CARD14: variants seen among roughly 807,000 people sequenced by gnomAD.
The protein encoded by CARD14 is caspase recruitment domain-containing protein 14.
In CARD14, 107 loss-of-function variants were observed where a neutral mutation model predicts 111.5. That is an observed-to-expected ratio of 0.96 (90% CI 0.82 to 1.13). The LOEUF (loss-of-function observed/expected upper bound fraction) is 1.13. Ranked by LOEUF, CARD14 falls within the 50% of genes most tolerant of loss-of-function variation. CARD14 has a pLI of 0.00. For synonymous variants in CARD14, 617 were observed against 579.6 expected (o/e 1.06, Z -0.93); for missense variants, 1,322 against 1,362.3 (o/e 0.97, Z 0.47).
At chr17:80,191,624 G>C in intron 11 of CARD14, 152 bp downstream of exon 11, 1 of 940,324 alleles carries the variant, frequency 1.1e-6, no homozygotes, top group East Asian at 2.6e-5. Context: ...AGACGGCCCA[G>C]TGTCACTGTG....
Position 80,195,051 on chromosome 17 carries a change from C to T in CARD14, c.1357-140C>T. 1 of 1,072,646 alleles carries T rather than the reference C, an allele frequency of 9.3e-7. No homozygotes were observed. Among genetic ancestry groups the T allele is most frequent in the Admixed American group, 2.6e-5 (1 of 38,256 alleles). 66.4% of individuals were successfully genotyped at this position (1,072,646 alleles called of 1,614,324 possible). ...CAGCAGGTGCTCAGCGCATGTGACC[C>T]CATGTGTGTCCTTCTTTCCCCTCCT... is the stretch of plus-strand genomic sequence containing the variant. On this transcript the variant is annotated intron_variant, in intron 12 of 23. Transcript: ENST00000648509. This position sits in a 1 kb window ranked among gnomAD's most constrained non-coding sequence, Gnocchi z 4.7.
At chr17:80,186,907 T>C (rs1044156362) in intron 7 of CARD14, among the ~76,000 whole-genome samples, 1 of 152,206 alleles carries the variant, frequency 6.6e-6, no homozygotes, top group Non-Finnish European at 1.5e-5. Context: ...ACTACTAGGG[T>C]GTCTTTGCTT....
chr17:80,177,156 A>G (rs1483188714), intron 2 of CARD14, among the ~76,000 whole-genome samples: 2 of 152,034 alleles, frequency 1.3e-5, no homozygotes, highest in Non-Finnish European at 2.9e-5. Context: ...GTGTCACTCC[A>G]GTCTCGGCCT....
At chr17:80,175,718 C>T (rs371633800) in intron 2 of CARD14, among the ~76,000 whole-genome samples, 7 of 152,122 alleles carry the variant, frequency 4.6e-5, no homozygotes, top group Non-Finnish European at 1.0e-4. Flanking sequence ...GTGGTGGGGA[C>T]GCTGAACAGG....
rs1051802042 is a variant in CARD14 at position 80,189,715 on chromosome 17, G to A, written c.844-38G>A. 6.6e-7 allele frequency: 1 copy of A among 1,513,984 alleles called. No individual in the cohort carries two copies. 93.8% of individuals were successfully genotyped at this position (1,513,984 alleles called of 1,614,324 possible). A position where few individuals can be genotyped will look rare whatever the true frequency, so the allele number is the denominator to read the frequency against. ...CTGCTTGCCTAGGGCAGGCCTCTGGGGAAGCCAGCACCCCAGGCTGACCTC... is the reference window on the plus strand; with the variant it reads ...CTGCTTGCCTAGGGCAGGCCTCTGGAGAAGCCAGCACCCCAGGCTGACCTC... On this transcript the variant is annotated intron_variant, in intron 8 of 23. Transcript: ENST00000648509. This position sits in a 1 kb window ranked among gnomAD's most constrained non-coding sequence, Gnocchi z 4.7.
At chr17:80,181,690 G>C in intron 5 of CARD14, 41 bp downstream of exon 5, 1 of 1,504,330 alleles carries the variant, frequency 6.6e-7, no homozygotes, top group Non-Finnish European at 8.9e-7. Context: ...CCAGCTTCCC[G>C]TGGCCCACAT....
intron 7 of CARD14, 79 bp downstream of exon 7, chr17:80,184,317 T>C (rs1243879395): frequency 2.5e-6 from 3 of 1,197,680 alleles, no homozygotes; most frequent in Non-Finnish European, 3.4e-6. Flanking sequence ...TCCATCTCCC[T>C]GGAACTCCTT....
Position 80,195,822 on chromosome 17 carries a change from C to A in CARD14, c.1594+170C>A. On this transcript the variant is annotated intron_variant, in intron 14 of 23. Coordinates refer to ENST00000648509, the MANE Select transcript of CARD14 (RefSeq NM_001366385.1). The surrounding 1 kb of genome is among the most constrained non-coding windows in gnomAD (Gnocchi z 4.7). Reference sequence around the variant, plus strand: ...TCGACCTTGCACTTTGGGAAAGTCCCGCCTGCCAGCCAGCGTAAGCCAAAG... The same window carrying A: ...TCGACCTTGCACTTTGGGAAAGTCCAGCCTGCCAGCCAGCGTAAGCCAAAG... 1.6e-6 allele frequency: 1 copy of A among 609,366 alleles called. No individual in the cohort carries two copies. The highest frequency in any genetic ancestry group is 2.9e-6 in the Non-Finnish European group (1 of 348,374). The allele number at this position is 609,366 out of a possible 1,614,324, so 37.7% of individuals were successfully genotyped here.
intron 9 of CARD14, among the ~76,000 whole-genome samples, chr17:80,190,388 G>A (rs189050319): frequency 2.6e-5 from 4 of 152,150 alleles, no homozygotes; most frequent in South Asian, 2.1e-4. Context: ...CGAGGCAGGC[G>A]GATCACTTGA....
chr17:80,195,123 G>A lies in CARD14; in HGVS notation c.1357-68G>A. On this transcript the variant is annotated intron_variant, in intron 12 of 23. Coordinates refer to ENST00000648509, the MANE Select transcript of CARD14 (RefSeq NM_001366385.1). This position sits in a 1 kb window ranked among gnomAD's most constrained non-coding sequence, Gnocchi z 4.7. ...CACTGTGGCTCTCTCTACACCGTGG[G>A]GGAGCAAGGGAGGAGTCTCAGGGTG... 6.5e-7 allele frequency: 1 copy of A among 1,526,854 alleles called. No individual in the cohort carries two copies. The highest frequency in any genetic ancestry group is 8.8e-7 in the Non-Finnish European group (1 of 1,132,354). 94.6% of individuals were successfully genotyped at this position (1,526,854 alleles called of 1,614,324 possible).
chr17:80,205,727 T>A, intron 22 of CARD14, 75 bp downstream of exon 22: 6 of 1,320,706 alleles, frequency 4.5e-6, no homozygotes, highest in Non-Finnish European at 6.1e-6. Context: ...GGGGATGAGA[T>A]AAAGGTACAG....
chr17:80,203,756 G>T lies in CARD14; in HGVS notation c.2220-66G>T. 7.7e-7 allele frequency: 1 copy of T among 1,300,202 alleles called. No individual in the cohort carries two copies. Among genetic ancestry groups the T allele is most frequent in the Admixed American group, 2.2e-5 (1 of 45,878 alleles). The allele number at this position is 1,300,202 out of a possible 1,614,324, so 80.5% of individuals were successfully genotyped here. Reference sequence around the variant, plus strand: ...CCATCTCCCCCACTCTCCCCTGCTCGGCTCTCCCCTGCCCTGCTCACCTGG... The same window carrying T: ...CCATCTCCCCCACTCTCCCCTGCTCTGCTCTCCCCTGCCCTGCTCACCTGG... On this transcript the variant is annotated intron_variant, in intron 18 of 23. Transcript: ENST00000648509. This position sits in a 1 kb window ranked among gnomAD's most constrained non-coding sequence, Gnocchi z 4.6.
In CARD14 at chr17:80,189,629, G is replaced by A; in HGVS notation, c.844-124G>A. 8.1e-7 allele frequency: 1 copy of A among 1,232,652 alleles called. No individual in the cohort carries two copies. The allele number at this position is 1,232,652 out of a possible 1,614,324, so 76.4% of individuals were successfully genotyped here. A position where few individuals can be genotyped will look rare whatever the true frequency, so the allele number is the denominator to read the frequency against. ...TGGCTTCTCTCCTGCCCGGTGTAGA[G>A]TGGCAAGACTGCATCCGTCCACACA... On this transcript the variant is annotated intron_variant, in intron 8 of 23. Transcript: ENST00000648509. This position sits in a 1 kb window ranked among gnomAD's most constrained non-coding sequence, Gnocchi z 4.7.
chr17:80,183,852 C>A (rs1598639415), intron 6 of CARD14, 61 bp from the exon 7 acceptor site: 3 of 1,374,418 alleles, frequency 2.2e-6, no homozygotes, highest in South Asian at 1.6e-5. Flanking sequence ...GCTCACCTAC[C>A]CACCTGCCCA....
intron 2 of CARD14, among the ~76,000 whole-genome samples, chr17:80,177,471 G>T: frequency 6.6e-6 from 1 of 152,168 alleles, no homozygotes; most frequent in South Asian, 2.1e-4. Context: ...CGAGGCAGGC[G>T]GATCACTTGA....
chr17:80,198,321 A>G lies in CARD14; in HGVS notation c.1659-78A>G. ...GAGAATTCCAGAACACTGGGGCCAG[A>G]GGGAAGCAATGGGGAGGTGGCCTTG... On this transcript the variant is annotated intron_variant, in intron 15 of 23. Coordinates refer to ENST00000648509, the MANE Select transcript of CARD14 (RefSeq NM_001366385.1). This position sits in a 1 kb window ranked among gnomAD's most constrained non-coding sequence, Gnocchi z 7.5. 6.4e-7 allele frequency: 1 copy of G among 1,563,420 alleles called. No homozygotes were observed. Among genetic ancestry groups the G allele is most frequent in the Non-Finnish European group, 8.7e-7 (1 of 1,151,492 alleles).
At chr17:80,186,792 C>T (rs186985890) in intron 7 of CARD14, among the ~76,000 whole-genome samples, 2 of 152,246 alleles carry the variant, frequency 1.3e-5, no homozygotes, top group African/African-American at 2.4e-5. Flanking sequence ...TCAGGTGATC[C>T]GCCCACCTCG....
intron 21 of CARD14, 72 bp from the exon 22 acceptor site, chr17:80,205,459 G>T: frequency 1.9e-6 from 3 of 1,544,960 alleles, no homozygotes; most frequent in Non-Finnish European, 1.8e-6. Context: ...GGGGACAGGG[G>T]TGTTTACCAT....
At position 80,182,754 on chromosome 17, in the gene CARD14, G is replaced by T; in HGVS notation, c.313G>T (p.Gly105Trp). The change falls in exon 6 of 24, where the codon GGG (glycine) becomes TGG (tryptophan). Residue 105 changes from glycine to tryptophan, a missense_variant. Physicochemically the swap from Gly to Trp is radical, Grantham distance 184 (BLOSUM62 -2). Transcript: ENST00000648509. This position sits in a 1 kb window ranked among gnomAD's most constrained non-coding sequence, Gnocchi z 4.7. Reference sequence around the variant, plus strand: ...CCCTGACGTCTACACCCTGGTCACCGGGCTGCAGCCTGATGTTGACTTCAG... The same window carrying T: ...CCCTGACGTCTACACCCTGGTCACCTGGCTGCAGCCTGATGTTGACTTCAG... ...HNPDVYTLVT[G>W]LQPDVDFSNF... 6.2e-7 allele frequency: 1 copy of T among 1,614,160 alleles called. No individual in the cohort carries two copies. The highest frequency in any genetic ancestry group is 8.5e-7 in the Non-Finnish European group (1 of 1,180,018).
Sources: gnomAD v4.1 joint callset for allele counts (sites outside exome capture counted in the v4.1 genomes callset) on GRCh38, gnomAD v4.1.1 for gene constraint, Gnocchi (gnomAD v3.1) non-coding constraint, MANE v1.5 for transcripts, NCBI Gene and HGNC (gene_info 2026-07-23, HGNC 2026-07-21) for gene names.